FAT3: variants seen among roughly 807,000 people sequenced by gnomAD.
The protein encoded by FAT3 is FAT atypical cadherin 3, also known as protocadherin Fat 3.
In FAT3, 95 loss-of-function variants were observed where a neutral mutation model predicts 310.2. That is an observed-to-expected ratio of 0.31 (90% CI 0.26 to 0.36). FAT3 has a LOEUF of 0.36. Ranked by LOEUF, FAT3 falls within the 10% of genes least tolerant of loss-of-function variation. The pLI, the probability that FAT3 is intolerant of heterozygous loss-of-function variation, is 1.00. For missense variants in FAT3, 5,408 were observed against 5,715.6 expected, an observed-to-expected ratio of 0.95 and a Z score of 1.74; for synonymous variants, 2,314 against 2,192.9, an observed-to-expected ratio of 1.06 and a Z score of -1.54.
intron 4 of FAT3, among the ~76,000 whole-genome samples, chr11:92,746,651 A>G (rs1945680374): frequency 6.6e-6 from 1 of 152,194 alleles, no homozygotes; most frequent in Non-Finnish European, 1.5e-5. Flanking sequence ...CATCTGAGAC[A>G]AGGCAAGTCC....
intron 1 of FAT3, among the ~76,000 whole-genome samples, chr11:92,226,536 G>A (rs149209455): frequency 1.6e-4 from 24 of 152,118 alleles, no homozygotes; most frequent in Admixed American, 3.3e-4. Flanking sequence ...TGTGCTGGCG[G>A]TGACATCCTG....
chr11:92,471,915 CTATATATATATATATATA>C (rs140886151), intron 2 of FAT3, among the ~76,000 whole-genome samples: 7,943 of 124,932 alleles, frequency 0.064, 495 homozygotes, highest in African/African-American at 0.17. Context: ...TTTTCATATG[CTATATATATATATATATA>C]TATATATATA....
intron 15 of FAT3, 119 bp downstream of exon 15, chr11:92,835,203 T>G (rs568585379): frequency 1.3e-6 from 1 of 777,790 alleles, no homozygotes; most frequent in Non-Finnish European, 2.0e-6. Flanking sequence ...TCAGTGTCCA[T>G]TTGTCCCCAA....
chr11:92,611,744 A>G (rs1940571536), intron 3 of FAT3, among the ~76,000 whole-genome samples: 1 of 152,140 alleles, frequency 6.6e-6, no homozygotes, highest in Admixed American at 6.5e-5. Flanking sequence ...TTATAGGGGG[A>G]GAGAGGAAAT....
chr11:92,385,304 G>A (rs149006478), intron 2 of FAT3, among the ~76,000 whole-genome samples: 22 of 152,248 alleles, frequency 1.4e-4, no homozygotes, highest in Admixed American at 3.3e-4. Context: ...CCAAGTGTCC[G>A]TAGGTAGAGA....
intron 3 of FAT3, among the ~76,000 whole-genome samples, chr11:92,583,518 G>A (rs151060932): frequency 3.3e-4 from 50 of 152,064 alleles, no homozygotes; most frequent in African/African-American, 9.9e-4. Flanking sequence ...TAGCAAAACC[G>A]CAAAGTATAA....
intron 3 of FAT3, among the ~76,000 whole-genome samples, chr11:92,571,086 A>C (rs572499280): frequency 3.9e-4 from 59 of 152,266 alleles, no homozygotes; most frequent in Admixed American, 3.4e-3. Context: ...TTAAAATCCA[A>C]ACCTTTTCTT....
intron 1 of FAT3, among the ~76,000 whole-genome samples, chr11:92,252,387 C>T (rs1305850797): frequency 6.6e-6 from 1 of 152,038 alleles, no homozygotes; most frequent in African/African-American, 2.4e-5. Flanking sequence ...TTGTGTGCAT[C>T]TCGACCACAC....
chr11:92,566,213 A>C (rs1299609868), intron 3 of FAT3, among the ~76,000 whole-genome samples: 4 of 152,236 alleles, frequency 2.6e-5, no homozygotes, highest in Non-Finnish European at 4.4e-5. Context: ...TCAATGTACA[A>C]AAATCACAAG....
intron 2 of FAT3, among the ~76,000 whole-genome samples, chr11:92,491,031 G>C (rs1952583684): frequency 6.6e-6 from 1 of 151,768 alleles, no homozygotes; most frequent in African/African-American, 2.4e-5. Context: ...AAACAGTTAG[G>C]GGCCTTGAGT....
At chr11:92,643,356 C>T (rs1942033293) in intron 3 of FAT3, among the ~76,000 whole-genome samples, 1 of 152,214 alleles carries the variant, frequency 6.6e-6, no homozygotes, top group Non-Finnish European at 1.5e-5. Flanking sequence ...TGACACCCAA[C>T]TTCTGCTCAG....
intron 7 of FAT3, among the ~76,000 whole-genome samples, chr11:92,780,933 C>G (rs1165663504): frequency 6.6e-6 from 1 of 152,092 alleles, no homozygotes; most frequent in African/African-American, 2.4e-5. Flanking sequence ...TGAGTTACTG[C>G]ATCATCAGAG....
chr11:92,735,093 C>T (rs530604887), intron 4 of FAT3, among the ~76,000 whole-genome samples: 34 of 152,100 alleles, frequency 2.2e-4, no homozygotes, highest in East Asian at 1.2e-3. Context: ...CAGGAACTCC[C>T]GGTAAAGTTT....
chr11:92,318,908 CAA>C (rs1175832197), intron 1 of FAT3, among the ~76,000 whole-genome samples: 5 of 152,186 alleles, frequency 3.3e-5, no homozygotes, highest in Non-Finnish European at 7.3e-5. Context: ...CTGAGTGCAG[CAA>C]AGAGTCCATG....
chr11:92,443,089 G>A (rs1282880916), intron 2 of FAT3, among the ~76,000 whole-genome samples: 1 of 152,108 alleles, frequency 6.6e-6, no homozygotes, highest in African/African-American at 2.4e-5. Context: ...TATTTCAAAT[G>A]TCTAGTCAAG....
intron 4 of FAT3, among the ~76,000 whole-genome samples, chr11:92,726,486 A>G (rs1228076573): frequency 6.6e-6 from 1 of 152,170 alleles, no homozygotes; most frequent in Non-Finnish European, 1.5e-5. Flanking sequence ...TTAAGCTGAT[A>G]TACTCTTTGA....
intron 3 of FAT3, among the ~76,000 whole-genome samples, chr11:92,557,005 A>G (rs190445279): frequency 6.6e-5 from 10 of 152,178 alleles, no homozygotes; most frequent in African/African-American, 2.4e-4. Flanking sequence ...ACTCATTCAT[A>G]TCTTGTTTTC....
At chr11:92,807,174 C>T (rs1947527414) in intron 12 of FAT3, among the ~76,000 whole-genome samples, 1 of 152,028 alleles carries the variant, frequency 6.6e-6, no homozygotes, top group Non-Finnish European at 1.5e-5. Flanking sequence ...TTTTCTTAGT[C>T]AGATGAGGAA....
chr11:92,760,435 A>G (rs542992871), intron 4 of FAT3, among the ~76,000 whole-genome samples: 81 of 152,306 alleles, frequency 5.3e-4, no homozygotes, highest in African/African-American at 1.9e-3. Flanking sequence ...TTTTTCTCCT[A>G]TTGATGTTGA....
Sources: gnomAD v4.1 joint callset for allele counts (sites outside exome capture counted in the v4.1 genomes callset) on GRCh38, gnomAD v4.1.1 for gene constraint, MANE v1.5 for transcripts, NCBI Gene and HGNC (gene_info 2026-07-23, HGNC 2026-07-21) for gene names.